MACROD2: variants seen among roughly 807,000 people sequenced by gnomAD.
MACROD2 encodes ADP-ribose glycohydrolase MACROD2.
In MACROD2, 36 loss-of-function variants were observed where a neutral mutation model predicts 70.4. The observed-to-expected ratio is 0.51, with a 90% CI of 0.39 to 0.68. The LOEUF is 0.68. MACROD2 is among the 30% of genes least tolerant of loss of function. MACROD2 has a pLI of 0.00. For synonymous variants in MACROD2, 172 were observed against 178.8 expected (o/e 0.96, Z 0.30); for missense variants, 496 against 538.4 (o/e 0.92, Z 0.78).
chr20:14,963,194 A>G (rs568096950), intron 5 of MACROD2, among the ~76,000 whole-genome samples: 27 of 152,232 alleles, frequency 1.8e-4, no homozygotes, highest in African/African-American at 6.3e-4. Context: ...ATTATTGAGT[A>G]CCGTAGTAGT....
chr20:15,773,951 A>G (rs2051678323), intron 8 of MACROD2, among the ~76,000 whole-genome samples: 1 of 152,174 alleles, frequency 6.6e-6, no homozygotes, highest in African/African-American at 2.4e-5. Context: ...GGAGCAATGA[A>G]TCAAATGTCT....
chr20:15,046,397 C>T (rs745518078), intron 5 of MACROD2, among the ~76,000 whole-genome samples: 5 of 152,140 alleles, frequency 3.3e-5, no homozygotes, highest in African/African-American at 7.2e-5. Flanking sequence ...CTTCCATTAC[C>T]GCAGATTTAC....
intron 8 of MACROD2, among the ~76,000 whole-genome samples, chr20:15,767,844 A>T (rs1055708449): frequency 6.6e-6 from 1 of 151,874 alleles, no homozygotes; most frequent in East Asian, 1.9e-4. Flanking sequence ...CTCTCAGGGG[A>T]TCTCTGCTAA....
At chr20:15,915,017 G>C (rs76129920) in intron 10 of MACROD2, among the ~76,000 whole-genome samples, 1 of 152,150 alleles carries the variant, frequency 6.6e-6, no homozygotes, top group East Asian at 1.9e-4. Flanking sequence ...GGTCCCAAGC[G>C]CGGGAGCTTC....
chr20:14,224,557 C>T (rs1329107733), intron 3 of MACROD2, among the ~76,000 whole-genome samples: 1 of 152,122 alleles, frequency 6.6e-6, no homozygotes, highest in African/African-American at 2.4e-5. Flanking sequence ...CTTAGGGGGC[C>T]ATTAGTGTCC....
Position 15,735,338 on chromosome 20 carries a change from A to T in MACROD2, c.646-127407A>T. Among the ~76,000 whole-genome samples the T allele has an allele frequency of 2.0e-5, 3 of 152,156 alleles. No individual in the cohort carries two copies. In the South Asian group the frequency reaches 6.2e-4, roughly 32 times the overall value. Reference sequence around the variant, plus strand: ...AGTGGTTAATTTATTTGTTTGTCTGACTCATAATGAATATGAGAGAATTGT... The same window carrying T: ...AGTGGTTAATTTATTTGTTTGTCTGTCTCATAATGAATATGAGAGAATTGT... On this transcript the variant is annotated intron_variant, in intron 8 of 17. Coordinates refer to ENST00000684519, the MANE Select transcript of MACROD2 (RefSeq NM_001351661.2).
At chr20:15,576,425 G>A (rs888821591) in intron 8 of MACROD2, among the ~76,000 whole-genome samples, 9 of 152,078 alleles carry the variant, frequency 5.9e-5, no homozygotes, top group Admixed American at 4.6e-4. Flanking sequence ...TCTCCATCAT[G>A]CTAAAGTCAT....
chr20:15,519,110 CCTTCCTTCCTTTCTTT>C (rs2047612674), intron 8 of MACROD2, among the ~76,000 whole-genome samples: 1 of 131,876 alleles, frequency 7.6e-6, no homozygotes. Context: ...TTCCTTCCTT[CCTTCCTTCCTTTCTTT>C]CTTTCTTTTT....
intron 3 of MACROD2, among the ~76,000 whole-genome samples, chr20:14,484,242 A>T (rs113147194): frequency 1.1e-3 from 163 of 152,256 alleles, no homozygotes; most frequent in African/African-American, 3.8e-3. Flanking sequence ...TAAATTTTAA[A>T]AGTACATATG....
intron 2 of MACROD2, among the ~76,000 whole-genome samples, chr20:14,004,644 T>C (rs936920530): frequency 1.1e-4 from 16 of 152,160 alleles, no homozygotes; most frequent in African/African-American, 3.4e-4. Flanking sequence ...AGAGTTTTAG[T>C]GTTTTAACAG....
intron 3 of MACROD2, among the ~76,000 whole-genome samples, chr20:14,220,956 C>T (rs1310899091): frequency 1.3e-5 from 2 of 152,080 alleles, no homozygotes; most frequent in Non-Finnish European, 2.9e-5. Flanking sequence ...GTTTTGCAGT[C>T]GATCTGATGC....
At chr20:15,753,115 A>AT (rs1211536034) in intron 8 of MACROD2, among the ~76,000 whole-genome samples, 7 of 152,032 alleles carry the variant, frequency 4.6e-5, no homozygotes, top group Non-Finnish European at 7.4e-5. Flanking sequence ...TATTATATTA[A>AT]TTTTTTAAAT....
At chr20:14,977,979 T>A (rs960424659) in intron 5 of MACROD2, among the ~76,000 whole-genome samples, 5 of 152,160 alleles carry the variant, frequency 3.3e-5, no homozygotes, top group Non-Finnish European at 7.3e-5. Flanking sequence ...TCAAAACTCA[T>A]TTCTGCCTAG....
chr20:15,269,392 C>T (rs1417697134), intron 6 of MACROD2, among the ~76,000 whole-genome samples: 1 of 152,230 alleles, frequency 6.6e-6, no homozygotes, highest in African/African-American at 2.4e-5. Flanking sequence ...TTAGCTGTCC[C>T]TTCACCTTGC....
intron 3 of MACROD2, among the ~76,000 whole-genome samples, chr20:14,461,046 G>C (rs576946731): frequency 6.6e-6 from 1 of 151,846 alleles, no homozygotes; most frequent in Non-Finnish European, 1.5e-5. Context: ...CTGTGAATCT[G>C]TCTGGTCCTG....
At chr20:15,740,259 A>G (rs1207233051) in intron 8 of MACROD2, among the ~76,000 whole-genome samples, 1 of 152,238 alleles carries the variant, frequency 6.6e-6, no homozygotes, top group African/African-American at 2.4e-5. Context: ...AGGGCAGGCT[A>G]GAAAATGCAG....
intron 8 of MACROD2, among the ~76,000 whole-genome samples, chr20:15,700,701 T>G (rs1006914600): frequency 2.0e-5 from 3 of 152,160 alleles, no homozygotes; most frequent in Non-Finnish European, 4.4e-5. Context: ...AGATTAGTGG[T>G]TTTCAAAGTC....
chr20:15,875,231 G>C (rs2064651255), intron 9 of MACROD2, among the ~76,000 whole-genome samples: 1 of 152,108 alleles, frequency 6.6e-6, no homozygotes, highest in South Asian at 2.1e-4. Flanking sequence ...TGTTACAACA[G>C]TAATAGAAAA....
At chr20:15,312,015 C>T (rs1219377093) in intron 6 of MACROD2, among the ~76,000 whole-genome samples, 3 of 151,882 alleles carry the variant, frequency 2.0e-5, no homozygotes, top group African/African-American at 7.3e-5. Context: ...AAGAGAATAT[C>T]ATCAAATAAT....
Sources: allele counts gnomAD v4.1 joint callset (sites outside exome capture counted in the v4.1 genomes callset), GRCh38; gene constraint gnomAD v4.1.1; transcripts MANE v1.5; gene names NCBI Gene and HGNC (gene_info 2026-07-23, HGNC 2026-07-21).